DENND3: variants seen among roughly 807,000 people sequenced by gnomAD.
DENND3 encodes the protein DENN domain containing 3.
In DENND3, 88 loss-of-function variants were observed where a neutral mutation model predicts 135.1. The observed-to-expected ratio is 0.65, with a 90% CI of 0.55 to 0.78. DENND3 has a LOEUF of 0.78. DENND3 is among the 30% of genes least tolerant of loss of function. The pLI is 0.00. For synonymous variants in DENND3, 693 were observed against 712.3 expected (o/e 0.97, Z 0.43); for missense variants, 1,392 against 1,688.4 (o/e 0.82, Z 3.08).
At position 141,185,308 on chromosome 8, in the gene DENND3, C is replaced by T; in HGVS notation, c.3084+30C>T. 4 of 1,612,814 alleles carry T rather than the reference C, an allele frequency of 2.5e-6. No homozygotes were observed. In the African/African-American group the frequency reaches 4.0e-5, roughly 16 times the overall value. The stretch of plus-strand genomic sequence containing the variant: ...GTACACGAAGCGTCAGGAAAGAAGC[C>T]TCTGAATTCACGTGATTTCTGAAAC... On this transcript the variant is annotated intron_variant, in intron 18 of 22. Coordinates refer to ENST00000519811, the MANE Select transcript of DENND3 (RefSeq NM_001352890.3).
chr8:141,191,028 T>C (rs1047131788), intron 20 of DENND3, among the ~76,000 whole-genome samples: 5 of 152,262 alleles, frequency 3.3e-5, no homozygotes, highest in African/African-American at 7.2e-5. Flanking sequence ...GCTGGGAATA[T>C]GTTTTCTTTT....
chr8:141,156,908 C>T (rs552117851), intron 8 of DENND3, among the ~76,000 whole-genome samples: 12 of 150,832 alleles, frequency 8.0e-5, no homozygotes, highest in African/African-American at 2.9e-4. Context: ...TCTCCTGCCT[C>T]AGCCTCCCGA....
intron 20 of DENND3, chr8:141,192,129 C>A: frequency 1.8e-6 from 1 of 542,420 alleles, no homozygotes; most frequent in South Asian, 3.6e-5. Flanking sequence ...TTCTGGTGAG[C>A]CTCATTTCTT....
In DENND3 at chr8:141,177,005, G is replaced by C. The variant is rs1192376664; in HGVS notation, c.2706+244G>C. The C allele has an allele frequency of 6.0e-6, 3 of 501,506 alleles. No individual in the cohort carries two copies. In the Admixed American group the frequency reaches 1.1e-4, roughly 18 times the overall value. The allele number at this position is 501,506 out of a possible 1,614,324, so 31.1% of individuals were successfully genotyped here. A position where few individuals can be genotyped will look rare whatever the true frequency, so the allele number is the denominator to read the frequency against. On this transcript the variant is annotated intron_variant, in intron 15 of 22. Coordinates refer to ENST00000519811, the MANE Select transcript of DENND3 (RefSeq NM_001352890.3). ...AGAAAACGCAGGGCGGTCTGGGCAG[G>C]TGTGGGTGCCCCACTGCCCGCTCCA... is the stretch of plus-strand genomic sequence containing the variant.
In DENND3 at chr8:141,141,080, C is replaced by G. The variant is rs558343959; in HGVS notation, c.502-123C>G. Reference sequence around the variant, plus strand: ...CGGAGGGCCGGTGCTGGCTTGGACGCGTTGCAGGGGTGGGGATGGTGGACT... The same window carrying G: ...CGGAGGGCCGGTGCTGGCTTGGACGGGTTGCAGGGGTGGGGATGGTGGACT... On this transcript the variant is annotated intron_variant, in intron 3 of 22. Transcript: ENST00000519811. The surrounding 1 kb of genome is among the most constrained non-coding windows in gnomAD (Gnocchi z 5.3). 6.8e-7 allele frequency: 1 copy of G among 1,465,262 alleles called. No homozygotes were observed. Among genetic ancestry groups the G allele is most frequent in the Admixed American group, 1.7e-5 (1 of 57,398 alleles). 90.8% of individuals were successfully genotyped at this position (1,465,262 alleles called of 1,614,324 possible).
At chr8:141,188,932 C>T in intron 18 of DENND3, 54 bp from the exon 19 acceptor site, 1 of 1,592,412 alleles carries the variant, frequency 6.3e-7, no homozygotes, top group East Asian at 2.2e-5. Context: ...TAGAATATGA[C>T]TTCACCAGTA....
intron 22 of DENND3, chr8:141,193,154 A>G (rs1825000735): frequency 8.4e-6 from 2 of 238,386 alleles, no homozygotes; most frequent in Non-Finnish European, 1.7e-5. Context: ...TACTGGATTA[A>G]CCAGTGTGAC....
rs1011744311 is a variant in DENND3, at chr8:141,152,049, C to A, written c.1074+212C>A. Among the ~76,000 whole-genome samples the A allele has an allele frequency of 3.0e-4, 46 of 152,330 alleles. 1 individual carries two copies. The highest frequency in any genetic ancestry group is 1.1e-3 in the African/African-American group (44 of 41,576). ...CCTTAGTCTCCTAGTGGAGACAGGA[C>A]AGTGAGTGTGCCCACCTCATTGTCC... On this transcript the variant is annotated intron_variant, in intron 7 of 22. Transcript: ENST00000519811.
intron 13 of DENND3, among the ~76,000 whole-genome samples, chr8:141,171,960 TGGTA>T (rs1821635218): frequency 7.0e-6 from 1 of 142,704 alleles, no homozygotes; most frequent in African/African-American, 2.7e-5. Context: ...GTGTGCACTG[TGGTA>T]GGTGTGAACA....
rs1002220447 is a variant in DENND3 at position 141,144,653 on chromosome 8, T to C, written c.735+394T>C. On this transcript the variant is annotated intron_variant, in intron 5 of 22. Transcript: ENST00000519811. The surrounding 1 kb of genome is among the most constrained non-coding windows in gnomAD (Gnocchi z 4.4). ...ACCTTAAAAATGAAATTCCCGGCCA[T>C]GACAGGAAGGAAGGTCAGACACGCC... Among the ~76,000 whole-genome samples the C allele has an allele frequency of 6.6e-6, 1 of 151,632 alleles. No homozygotes were observed. The highest frequency in any genetic ancestry group is 2.4e-5 in the African/African-American group (1 of 41,212).
intron 5 of DENND3, among the ~76,000 whole-genome samples, chr8:141,147,323 A>T (rs1056345659): frequency 6.6e-6 from 1 of 152,126 alleles, no homozygotes; most frequent in Non-Finnish European, 1.5e-5. Flanking sequence ...TAACATGTGG[A>T]TATTGGGCTT....
intron 15 of DENND3, 134 bp from the exon 16 acceptor site, chr8:141,177,933 C>A: frequency 8.8e-7 from 1 of 1,132,670 alleles, no homozygotes; most frequent in Non-Finnish European, 1.2e-6. Flanking sequence ...CCAAATTCAT[C>A]CGTGATCTAA....
chr8:141,169,675 G>A (rs1483180142), intron 13 of DENND3, among the ~76,000 whole-genome samples: 1 of 152,194 alleles, frequency 6.6e-6, no homozygotes, highest in Non-Finnish European at 1.5e-5. Context: ...ATGTTTTTAT[G>A]CATTTACTAC....
chr8:141,194,144 G>T lies in DENND3; in HGVS notation c.3748G>T (p.Val1250Leu). 1 of 1,613,918 alleles carries T rather than the reference G, an allele frequency of 6.2e-7. No individual in the cohort carries two copies. The highest frequency in any genetic ancestry group is 8.5e-7 in the Non-Finnish European group (1 of 1,180,010). ...EKELVAHMDT[V>L]RTLCSAEDRY... is the part of the protein sequence containing the mutation. ...GGAGCTGGTGGCGCACATGGACACC[G>T]TGAGGACGCTGTGCTCGGCTGAGGA... The change falls in exon 23 of 23, where the codon GTG becomes TTG. Residue 1250 changes from valine to leucine, a missense_variant. Transcript: ENST00000519811.
rs1016675741 is a variant in DENND3, at chr8:141,130,654, G to A, written c.102+1845G>A. Among the ~76,000 whole-genome samples, 7 of 149,942 alleles carry A rather than the reference G, an allele frequency of 4.7e-5. No individual in the cohort carries two copies. Among genetic ancestry groups the A allele is most frequent in the African/African-American group, 1.7e-4 (7 of 40,474 alleles). The stretch of plus-strand genomic sequence containing the variant: ...ATTTTATTTATTTAGATGTTTTTTC[G>A]GCGGTTCTATTTTGAATGTCCAAGG... On this transcript the variant is annotated intron_variant, in intron 1 of 22. Transcript: ENST00000519811. This position sits in a 1 kb window ranked among gnomAD's most constrained non-coding sequence, Gnocchi z 4.2.
intron 14 of DENND3, 59 bp from the exon 15 acceptor site, chr8:141,176,532 G>A: frequency 6.2e-7 from 1 of 1,605,184 alleles, no homozygotes; most frequent in East Asian, 2.2e-5. Context: ...CTCTGTCTCT[G>A]GTGAATCCAC....
Position 141,194,665 on chromosome 8 carries a change from C to T in DENND3, c.*432C>T, listed in dbSNP as rs79460085. 1,832 of 191,738 alleles carry T rather than the reference C, an allele frequency of 9.6e-3. 34 individuals carry two copies. The highest frequency in any genetic ancestry group is 0.039 in the African/African-American group (1,691 of 43,508). 11.9% of individuals were successfully genotyped at this position (191,738 alleles called of 1,614,324 possible). On this transcript the variant is annotated 3_prime_UTR_variant, in exon 23 of 23. Transcript: ENST00000519811. ...CACTCACCCAGTCCTTACGAATCAC[C>T]GAGGAACACTGGGCTGAGCACATGA...
chr8:141,142,276 G>T (rs1817553491), intron 4 of DENND3: 1 of 433,964 alleles, frequency 2.3e-6, no homozygotes, highest in Non-Finnish European at 4.6e-6. Flanking sequence ...TACAGTCTGA[G>T]AATTTATATT....
chr8:141,150,928 G>A lies in DENND3; in HGVS notation c.830G>A (p.Cys277Tyr). 6.2e-7 allele frequency: 1 copy of A among 1,604,692 alleles called. No homozygotes were observed. Among genetic ancestry groups the A allele is most frequent in the South Asian group, 1.1e-5 (1 of 89,756 alleles). The change falls in exon 6 of 23, where the codon TGC becomes TAC. Residue 277 changes from cysteine to tyrosine, a missense_variant. By Grantham distance (194) the Cys-to-Tyr change is radical. Transcript: ENST00000519811. ...LDLDLHLPLL[C>Y]FRPEKVLQIL... ...CTGGACCTTCACCTGCCCTTGCTGT[G>A]CTTCAGGCCTGAGAAGGTGCTACAG... is the stretch of plus-strand genomic sequence containing the variant.
Sources: gnomAD v4.1 joint callset for allele counts (sites outside exome capture counted in the v4.1 genomes callset) on GRCh38, gnomAD v4.1.1 for gene constraint, Gnocchi (gnomAD v3.1) non-coding constraint, MANE v1.5 for transcripts, NCBI Gene and HGNC (gene_info 2026-07-23, HGNC 2026-07-21) for gene names.